The following NKAIN2 variants were observed in gnomAD, a reference collection of about 807,000 sequenced individuals.
The protein encoded by NKAIN2 is sodium/potassium transporting ATPase interacting 2, also known as sodium/potassium-transporting ATPase subunit beta-1-interacting protein 2.
NKAIN2 carries 14 observed loss-of-function variants against 32.6 expected under a neutral mutation model. The ratio of observed to expected loss-of-function variants is 0.43; its 90% CI spans 0.28 to 0.67. The LOEUF (loss-of-function observed/expected upper bound fraction) is 0.67. Among genes scored for constraint, NKAIN2 ranks in the 30% least tolerant of loss-of-function variants. The pLI is 0.17. For missense variants in NKAIN2, 198 were observed against 258.3 expected, an observed-to-expected ratio of 0.77 and a Z score of 1.60; for synonymous variants, 80 against 87.2, an observed-to-expected ratio of 0.92 and a Z score of 0.46.
Position 124,476,065 on chromosome 6 carries a change from AGTGTGTGTGTGTGT to A in NKAIN2, c.273+120738_273+120751del, listed in dbSNP as rs61191593. Among the ~76,000 whole-genome samples the A allele has an allele frequency of 5.1e-3, 680 of 132,542 alleles. 5 individuals are homozygous for A. The highest frequency in any genetic ancestry group is 0.018 in the African/African-American group (640 of 34,786). 87.0% of individuals were successfully genotyped at this position (132,542 alleles called of 152,430 possible). A position where few individuals can be genotyped will look rare whatever the true frequency, so the allele number is the denominator to read the frequency against. On this transcript the variant is annotated intron_variant, in intron 3 of 6. Coordinates refer to ENST00000368417, the MANE Select transcript of NKAIN2 (RefSeq NM_001040214.3). ...GTGTGTGTGAGAGAGAGAGAGAGAG[AGTGTGTGTGTGTGT>A]GTGTGTGTGTGTGTGTGTGCGTGCG...
At chr6:124,553,927 A>G (rs1562252956) in intron 3 of NKAIN2, among the ~76,000 whole-genome samples, 1 of 152,140 alleles carries the variant, frequency 6.6e-6, no homozygotes, top group Admixed American at 6.5e-5. Context: ...CACTTTTAAT[A>G]AGCTGATAAT....
At chr6:123,944,256 G>T (rs12196932) in intron 1 of NKAIN2, among the ~76,000 whole-genome samples, 34,183 of 151,892 alleles carry the variant, frequency 0.23, 4,331 homozygotes, top group South Asian at 0.37. Context: ...CAACCTGGTA[G>T]GAATTAGGAT....
At chr6:124,649,977 A>T (rs1374852554) in intron 3 of NKAIN2, among the ~76,000 whole-genome samples, 2 of 152,206 alleles carry the variant, frequency 1.3e-5, no homozygotes, top group African/African-American at 4.8e-5. Context: ...AAAAACTCTC[A>T]GTAAACTAAG....
At chr6:124,015,478 A>G (rs1780523486) in intron 1 of NKAIN2, among the ~76,000 whole-genome samples, 1 of 152,174 alleles carries the variant, frequency 6.6e-6, no homozygotes, top group Admixed American at 6.5e-5. Context: ...GGCTTCTTAA[A>G]TCCCATCATC....
intron 4 of NKAIN2, among the ~76,000 whole-genome samples, chr6:124,775,259 G>T (rs1778936018): frequency 6.6e-6 from 1 of 152,186 alleles, no homozygotes; most frequent in African/African-American, 2.4e-5. Context: ...GAACTCAGAA[G>T]TGAGTTTTCC....
intron 2 of NKAIN2, among the ~76,000 whole-genome samples, chr6:124,339,861 A>G (rs1464631400): frequency 2.0e-5 from 3 of 152,160 alleles, no homozygotes; most frequent in Non-Finnish European, 4.4e-5. Flanking sequence ...CCTTAAAGCA[A>G]TAGAATAAAG....
chr6:124,344,429 G>C (rs1299343478), intron 2 of NKAIN2, among the ~76,000 whole-genome samples: 3 of 151,626 alleles, frequency 2.0e-5, no homozygotes, highest in African/African-American at 7.3e-5. Context: ...GGGCAGTATG[G>C]CCATTTTCAC....
intron 3 of NKAIN2, among the ~76,000 whole-genome samples, chr6:124,404,250 C>T (rs968883117): frequency 3.9e-5 from 6 of 152,104 alleles, no homozygotes; most frequent in Admixed American, 3.3e-4. Context: ...GATTTCTCTA[C>T]TTCTGATTAA....
intron 1 of NKAIN2, among the ~76,000 whole-genome samples, chr6:124,098,208 TATC>T (rs1784725167): frequency 6.6e-6 from 1 of 152,242 alleles, no homozygotes; most frequent in African/African-American, 2.4e-5. Flanking sequence ...AATTAATATG[TATC>T]ATCCTTATTA....
chr6:124,070,547 C>A (rs1295597655), intron 1 of NKAIN2, among the ~76,000 whole-genome samples: 1 of 152,142 alleles, frequency 6.6e-6, no homozygotes, highest in Non-Finnish European at 1.5e-5. Flanking sequence ...GCTTTCTGTC[C>A]TGAGAGGCAG....
At chr6:124,530,038 G>A (rs1402452062) in intron 3 of NKAIN2, among the ~76,000 whole-genome samples, 1 of 152,170 alleles carries the variant, frequency 6.6e-6, no homozygotes, top group Non-Finnish European at 1.5e-5. Context: ...TTCCCCATGT[G>A]AAGATATGTA....
chr6:123,942,158 C>G (rs1776855814), intron 1 of NKAIN2, among the ~76,000 whole-genome samples: 1 of 151,812 alleles, frequency 6.6e-6, no homozygotes, highest in South Asian at 2.1e-4. Context: ...AAATTTGTTA[C>G]TGAGGAGCAC....
chr6:124,187,126 C>T (rs1435104256), intron 1 of NKAIN2, among the ~76,000 whole-genome samples: 1 of 152,102 alleles, frequency 6.6e-6, no homozygotes, highest in African/African-American at 2.4e-5. Flanking sequence ...TTCTTTGTTT[C>T]CTTTTTTCTC....
intron 3 of NKAIN2, among the ~76,000 whole-genome samples, chr6:124,635,653 G>A (rs1783746589): frequency 6.6e-6 from 1 of 151,802 alleles, no homozygotes; most frequent in Non-Finnish European, 1.5e-5. Context: ...GCTATATTTG[G>A]ACAAAATAGA....
rs138667313 is a variant in NKAIN2, at chr6:124,800,081, C to T, written c.535+8682C>T. Among the ~76,000 whole-genome samples the T allele has an allele frequency of 5.5e-3, 835 of 152,302 alleles. 6 individuals carry two copies. Among genetic ancestry groups the T allele is most frequent in the African/African-American group, 0.019 (801 of 41,558 alleles). On this transcript the variant is annotated intron_variant, in intron 5 of 6. Transcript: ENST00000368417. ...ATGAGAGCAAGACAAAACGCTGGCA[C>T]AGGAAAATGAAGTCTCTTTAAAAGC...
chr6:124,011,182 T>C (rs924099742), intron 1 of NKAIN2, among the ~76,000 whole-genome samples: 3 of 152,176 alleles, frequency 2.0e-5, no homozygotes, highest in African/African-American at 7.2e-5. Context: ...AACTCTTCCT[T>C]CTTTTGTTCT....
At position 124,757,081 on chromosome 6, in the gene NKAIN2, T is replaced by C. The variant is rs17052334; in HGVS notation, c.475-34258T>C. Among the ~76,000 whole-genome samples the C allele has an allele frequency of 4.1e-3, 439 of 108,052 alleles. 13 individuals carry two copies. In the East Asian group the frequency reaches 0.07, roughly 17 times the overall value. The allele number at this position is 108,052 out of a possible 152,430, so 70.9% of individuals were successfully genotyped here. A position where few individuals can be genotyped will look rare whatever the true frequency, so the allele number is the denominator to read the frequency against. On this transcript the variant is annotated intron_variant, in intron 4 of 6. Transcript: ENST00000368417. ...TAGAATTCTGTGTATTCATTTGTAA[T>C]CTTTTCTTCTATTCCCTCCACTGTC...
In NKAIN2 at chr6:124,669,213, T is replaced by C. The variant is rs529609191; in HGVS notation, c.474+10827T>C. Among the ~76,000 whole-genome samples the C allele has an allele frequency of 2.7e-3, 418 of 152,244 alleles. 1 individual carries two copies. The highest frequency in any genetic ancestry group is 3.4e-3 in the Middle Eastern group (1 of 294). On this transcript the variant is annotated intron_variant, in intron 4 of 6. Transcript: ENST00000368417. Reference sequence around the variant, plus strand: ...TAGGATAACCAATGGCATTGTATTCTTCCATACTGTTCAACTGCTTAGAGT... The same window carrying C: ...TAGGATAACCAATGGCATTGTATTCCTCCATACTGTTCAACTGCTTAGAGT...
chr6:124,252,729 G>A (rs1328530897), intron 1 of NKAIN2, among the ~76,000 whole-genome samples: 3 of 152,030 alleles, frequency 2.0e-5, no homozygotes, highest in Non-Finnish European at 4.4e-5. Flanking sequence ...TCAGTGTGAT[G>A]GTTAAAAACA....
Sources: allele counts gnomAD v4.1 joint callset (sites outside exome capture counted in the v4.1 genomes callset), GRCh38; gene constraint gnomAD v4.1.1; transcripts MANE v1.5; gene names NCBI Gene and HGNC (gene_info 2026-07-23, HGNC 2026-07-21).